The following CHRM3 variants were observed in gnomAD, a reference collection of about 807,000 sequenced individuals.
The protein encoded by CHRM3 is muscarinic acetylcholine receptor M3.
Under a neutral mutation model 41.8 loss-of-function variants are expected in CHRM3, and 11 were observed. The ratio of observed to expected loss-of-function variants is 0.26; its 90% CI spans 0.17 to 0.44. The LOEUF (loss-of-function observed/expected upper bound fraction) is 0.44. CHRM3 is among the 20% of genes least tolerant of loss of function. The pLI, the probability that CHRM3 is intolerant of heterozygous loss-of-function variation, is 1.00. For missense variants in CHRM3, 571 were observed against 745.4 expected (o/e 0.77, Z 2.72); for synonymous variants, 297 against 301.4 (o/e 0.99, Z 0.15).
chr1:239,682,545 T>C (rs373574962), intron 5 of CHRM3, among the ~76,000 whole-genome samples: 6 of 152,120 alleles, frequency 3.9e-5, no homozygotes, highest in African/African-American at 1.4e-4. Flanking sequence ...GCTTACTTCA[T>C]CTTGAATTTT....
chr1:239,398,892 T>C (rs1282147791), intron 1 of CHRM3, among the ~76,000 whole-genome samples: 4 of 152,096 alleles, frequency 2.6e-5, no homozygotes, highest in Non-Finnish European at 5.9e-5. Flanking sequence ...AAGCAGGATA[T>C]AACTTGGAAA....
chr1:239,566,160 C>T (rs568903434), intron 3 of CHRM3, among the ~76,000 whole-genome samples: 14 of 152,150 alleles, frequency 9.2e-5, no homozygotes, highest in Non-Finnish European at 8.8e-5. Context: ...GCAATTCTCC[C>T]GCCCTCTCTC....
At chr1:239,650,033 C>G (rs956966235) in intron 4 of CHRM3, among the ~76,000 whole-genome samples, 13 of 152,184 alleles carry the variant, frequency 8.5e-5, no homozygotes, top group Admixed American at 6.5e-5. Context: ...TCAGACAGCC[C>G]TCGGTGTCCT....
At chr1:239,643,552 G>T (rs909913467) in intron 4 of CHRM3, among the ~76,000 whole-genome samples, 7 of 152,312 alleles carry the variant, frequency 4.6e-5, no homozygotes, top group African/African-American at 1.7e-4. Context: ...GAGACTCCGT[G>T]GGCGTAGGAC....
chr1:239,730,132 C>G (rs560888888), intron 5 of CHRM3, among the ~76,000 whole-genome samples: 1 of 151,928 alleles, frequency 6.6e-6, no homozygotes, highest in South Asian at 2.1e-4. Flanking sequence ...CAGTTTTCAA[C>G]AAAAATATGT....
chr1:239,463,830 T>G (rs991616177), intron 1 of CHRM3, among the ~76,000 whole-genome samples: 1 of 152,184 alleles, frequency 6.6e-6, no homozygotes, highest in Non-Finnish European at 1.5e-5. Context: ...TCATTGATTG[T>G]CCCTCCCCAT....
At chr1:239,574,633 G>A (rs1014546006) in intron 3 of CHRM3, among the ~76,000 whole-genome samples, 2 of 151,812 alleles carry the variant, frequency 1.3e-5, no homozygotes, top group African/African-American at 2.4e-5. Context: ...ATCAGTTTGA[G>A]GCATTCTTTA....
At chr1:239,470,282 G>A (rs1028783271) in intron 1 of CHRM3, among the ~76,000 whole-genome samples, 4 of 152,118 alleles carry the variant, frequency 2.6e-5, no homozygotes, top group African/African-American at 7.2e-5. Context: ...CTCAGAGAAT[G>A]TAGAACCAAC....
chr1:239,860,914 T>C (rs1675582453), intron 6 of CHRM3, among the ~76,000 whole-genome samples: 1 of 152,184 alleles, frequency 6.6e-6, no homozygotes, highest in African/African-American at 2.4e-5. Flanking sequence ...GTTGTAGTCA[T>C]TATATCTATT....
At chr1:239,622,774 C>T (rs780645584) in intron 3 of CHRM3, among the ~76,000 whole-genome samples, 14 of 152,098 alleles carry the variant, frequency 9.2e-5, no homozygotes, top group South Asian at 4.1e-4. Context: ...TAGAATATTA[C>T]GTAAACTTAG....
At chr1:239,770,020 G>T (rs1462663351) in intron 5 of CHRM3, among the ~76,000 whole-genome samples, 5 of 152,062 alleles carry the variant, frequency 3.3e-5, no homozygotes, top group Admixed American at 6.6e-5. Context: ...CAAACGTAAT[G>T]ATCTTACCTC....
At chr1:239,813,762 A>G (rs1317902364) in intron 5 of CHRM3, among the ~76,000 whole-genome samples, 1 of 122,504 alleles carries the variant, frequency 8.2e-6, no homozygotes, top group Non-Finnish European at 1.7e-5. Flanking sequence ...CTAAAAATAC[A>G]AAAAATTAGC....
chr1:239,751,468 T>C (rs951337043), intron 5 of CHRM3, among the ~76,000 whole-genome samples: 3 of 152,230 alleles, frequency 2.0e-5, no homozygotes, highest in Non-Finnish European at 2.9e-5. Context: ...AGTAAATCTC[T>C]AATTTACATC....
intron 5 of CHRM3, among the ~76,000 whole-genome samples, chr1:239,692,111 C>T (rs892225005): frequency 6.6e-6 from 1 of 152,152 alleles, no homozygotes; most frequent in Non-Finnish European, 1.5e-5. Flanking sequence ...TTGAGCAAAA[C>T]AGTAATATCT....
intron 3 of CHRM3, among the ~76,000 whole-genome samples, chr1:239,611,759 T>C (rs1368397841): frequency 6.6e-6 from 1 of 152,178 alleles, no homozygotes; most frequent in Non-Finnish European, 1.5e-5. Flanking sequence ...AAAACCTAAT[T>C]TGAGTCATTT....
chr1:239,844,063 T>C (rs1674065602), intron 6 of CHRM3, among the ~76,000 whole-genome samples: 1 of 152,222 alleles, frequency 6.6e-6, no homozygotes, highest in African/African-American at 2.4e-5. Flanking sequence ...ACCTCACTTA[T>C]TATTTCTTTG....
chr1:239,499,220 C>T (rs567556192), intron 2 of CHRM3, among the ~76,000 whole-genome samples: 2 of 152,030 alleles, frequency 1.3e-5, no homozygotes, highest in Non-Finnish European at 1.5e-5. Context: ...GGAGATCATT[C>T]GGTGCTATTT....
At chr1:239,484,943 T>G (rs546682977) in intron 1 of CHRM3, among the ~76,000 whole-genome samples, 2 of 152,068 alleles carry the variant, frequency 1.3e-5, no homozygotes, top group South Asian at 4.1e-4. Context: ...ATAAGTAAAC[T>G]CCAGTTCATA....
Position 239,887,835 on chromosome 1 carries a change from G to C in CHRM3, c.-19-19598G>C, listed in dbSNP as rs1227420484. On this transcript the variant is annotated intron_variant, in intron 6 of 6. Coordinates refer to ENST00000676153, the MANE Select transcript of CHRM3 (RefSeq NM_001375978.1). ...GCTGAAACTTCAAGGGACCCCCGAG[G>C]GATAGTGGAGCAATGGTGTTTTATA... 2.0e-5 allele frequency among the ~76,000 whole-genome samples: 3 copies of C among 152,154 alleles called. No individual in the cohort carries two copies. In the East Asian group the frequency reaches 5.8e-4, roughly 29 times the overall value.
Sources: gnomAD v4.1 joint callset for allele counts (sites outside exome capture counted in the v4.1 genomes callset) on GRCh38, gnomAD v4.1.1 for gene constraint, MANE v1.5 for transcripts, NCBI Gene and HGNC (gene_info 2026-07-23, HGNC 2026-07-21) for gene names.